The following RANBP2 variants were observed in gnomAD, a reference collection of about 807,000 sequenced individuals.
RANBP2 encodes the protein RAN binding protein 2.
Under a neutral mutation model 303.6 loss-of-function variants are expected in RANBP2, and 57 were observed. The observed-to-expected ratio is 0.19, with a 90% CI of 0.15 to 0.23. The LOEUF (loss-of-function observed/expected upper bound fraction) is 0.23. RANBP2 is among the 10% of genes least tolerant of loss of function. The probability of loss-of-function intolerance (pLI) is 1.00; values close to 1 mark genes in which losing one functional copy is unlikely to be tolerated. For missense variants in RANBP2, 3,138 were observed against 3,780.8 expected, an observed-to-expected ratio of 0.83 and a Z score of 4.46; for synonymous variants, 1,167 against 1,301.5, an observed-to-expected ratio of 0.90 and a Z score of 2.23.
chr2:109,000,734 A>G, the RANBP2 span, among the ~76,000 whole-genome samples: 26 of 152,306 alleles, frequency 1.7e-4, 1 homozygote, highest in Admixed American at 5.9e-4. Context: ...ATTTCCCATG[A>G]GCCAGGCACT....
At chr2:109,481,836 G>A in the RANBP2 span, among the ~76,000 whole-genome samples, 1 of 152,052 alleles carries the variant, frequency 6.6e-6, no homozygotes, top group East Asian at 1.9e-4. Flanking sequence ...GAGGGGCAAG[G>A]TGCCTGCCCA....
chr2:108,862,076 A>AG, the RANBP2 span, among the ~76,000 whole-genome samples: 1 of 50,446 alleles, frequency 2.0e-5, no homozygotes, highest in African/African-American at 5.5e-5. Context: ...GTATGATTTC[A>AG]GTTTTTTTTT....
chr2:109,271,236 A>G, the RANBP2 span, among the ~76,000 whole-genome samples: 2 of 152,134 alleles, frequency 1.3e-5, no homozygotes, highest in Non-Finnish European at 2.9e-5. Flanking sequence ...GGGAACCAGG[A>G]ATGAATTGCT....
At chr2:109,333,850 AATAATT>A in the RANBP2 span, among the ~76,000 whole-genome samples, 1 of 152,168 alleles carries the variant, frequency 6.6e-6, no homozygotes, top group African/African-American at 2.4e-5. Context: ...TTATAATATT[AATAATT>A]ATAATTATGA....
At chr2:109,528,363 C>T in the RANBP2 span, among the ~76,000 whole-genome samples, 2 of 152,204 alleles carry the variant, frequency 1.3e-5, no homozygotes, top group Non-Finnish European at 1.5e-5. Flanking sequence ...ACATGAGTGC[C>T]AAGTCTAAAG....
At chr2:109,249,537 TTCC>T in the RANBP2 span, among the ~76,000 whole-genome samples, 1,292 of 96,520 alleles carry the variant, frequency 0.013, 9 homozygotes, top group South Asian at 0.02. Flanking sequence ...CTTTCTTTCC[TTCC>T]TTCCTTCCTT....
At chr2:108,906,121 G>A in the RANBP2 span, among the ~76,000 whole-genome samples, 1 of 152,220 alleles carries the variant, frequency 6.6e-6, no homozygotes, top group African/African-American at 2.4e-5. Flanking sequence ...GATGCCTTCC[G>A]ATATCTGGGA....
the RANBP2 span, among the ~76,000 whole-genome samples, chr2:109,404,760 C>T: frequency 3.3e-5 from 5 of 152,094 alleles, no homozygotes; most frequent in Middle Eastern, 3.2e-3. Flanking sequence ...TGGATGTGCT[C>T]GACTCTCTGC....
the RANBP2 span, chr2:109,129,581 C>T: frequency 2.0e-6 from 3 of 1,483,892 alleles, no homozygotes; most frequent in South Asian, 3.9e-5. Flanking sequence ...TCCAAGGCGG[C>T]CGCCGCTGCT....
chr2:109,067,412 C>T, the RANBP2 span, among the ~76,000 whole-genome samples: 7 of 152,218 alleles, frequency 4.6e-5, no homozygotes, highest in East Asian at 5.8e-4. Flanking sequence ...GCTGCTCTCT[C>T]GCAGCCCCGC....
downstream of RANBP2, chr2:108,786,694 G>GCCCTTT: frequency 3.4e-6 from 3 of 872,750 alleles, no homozygotes; most frequent in Non-Finnish European, 5.5e-6. Context: ...GCCCCGCCCC[G>GCCCTTT]CCCTTTCCCT....
the RANBP2 span, among the ~76,000 whole-genome samples, chr2:108,851,583 G>A: frequency 2.0e-5 from 3 of 151,884 alleles, no homozygotes; most frequent in African/African-American, 4.9e-5. Flanking sequence ...TATTACAGGC[G>A]TGAGCCACCG....
chr2:109,064,551 C>A, the RANBP2 span, among the ~76,000 whole-genome samples: 2 of 151,658 alleles, frequency 1.3e-5, no homozygotes, highest in Non-Finnish European at 2.9e-5. Context: ...TAGATGTGAC[C>A]TGAACCTTCA....
At chr2:109,680,405 TAATAAAATAA>T in the RANBP2 span, among the ~76,000 whole-genome samples, 7 of 150,714 alleles carry the variant, frequency 4.6e-5, no homozygotes, top group African/African-American at 1.7e-4. Flanking sequence ...TAAAAAAAGA[TAATAAAATAA>T]AATAAAATAA....
the RANBP2 span, among the ~76,000 whole-genome samples, chr2:109,511,682 G>A: frequency 1.3e-5 from 2 of 152,236 alleles, no homozygotes; most frequent in Non-Finnish European, 2.9e-5. Context: ...AGCTGGCTTT[G>A]TGACCCAACG....
At chr2:109,066,212 G>A in the RANBP2 span, among the ~76,000 whole-genome samples, 2 of 151,910 alleles carry the variant, frequency 1.3e-5, no homozygotes, top group Non-Finnish European at 2.9e-5. Context: ...GGGTTCAAGC[G>A]ATTCTCCTGC....
At chr2:109,179,003 A>ATATGTGTGTGTG in the RANBP2 span, among the ~76,000 whole-genome samples, 2 of 142,178 alleles carry the variant, frequency 1.4e-5, no homozygotes, top group Admixed American at 7.0e-5. Flanking sequence ...AAGTATAATA[A>ATATGTGTGTGTG]TGTGTGTGTG....
chr2:109,214,779 G>A, the RANBP2 span, among the ~76,000 whole-genome samples: 1 of 152,196 alleles, frequency 6.6e-6, no homozygotes, highest in East Asian at 1.9e-4. Flanking sequence ...TCACCCCTCT[G>A]GACTTGCGTC....
chr2:109,733,183 A>G, the RANBP2 span: 1 of 366,228 alleles, frequency 2.7e-6, no homozygotes, highest in South Asian at 2.3e-5. Flanking sequence ...GTCAAATGAA[A>G]AAAAAAAAAA....
Sources: allele counts gnomAD v4.1 joint callset (sites outside exome capture counted in the v4.1 genomes callset), GRCh38; gene constraint gnomAD v4.1.1; transcripts MANE v1.5; gene names NCBI Gene and HGNC (gene_info 2026-07-23, HGNC 2026-07-21).